The following TAS1R2 variants were observed in gnomAD, a reference collection of about 807,000 sequenced individuals.
TAS1R2 encodes the protein taste receptor type 1 member 2.
In TAS1R2, 47 loss-of-function variants were observed where a neutral mutation model predicts 49.3. The ratio of observed to expected loss-of-function variants is 0.95; its 90% CI spans 0.75 to 1.22. The LOEUF (loss-of-function observed/expected upper bound fraction) is 1.22, where lower values mean the gene tolerates loss of function less well. Among genes scored for constraint, TAS1R2 ranks in the 50% most tolerant of loss-of-function variants. The pLI is 0.00. For synonymous variants in TAS1R2, 479 were observed against 467.9 expected (o/e 1.02, Z -0.31); for missense variants, 1,155 against 1,122.1 (o/e 1.03, Z -0.42).
At position 18,844,310 on chromosome 1, in the gene TAS1R2, G is replaced by A. The variant is rs559879534; in HGVS notation, c.1468-2458C>T. Reference sequence around the variant, plus strand: ...CTGGTTGTTCAGGGGCCTGGAAGGAGCAAGAGTGGAAGAATGGAGACAAAG... The same window carrying A: ...CTGGTTGTTCAGGGGCCTGGAAGGAACAAGAGTGGAAGAATGGAGACAAAG... On this transcript the variant is annotated intron_variant, in intron 4 of 5. Coordinates refer to ENST00000375371, the Ensembl canonical transcript of TAS1R2. Among the ~76,000 whole-genome samples, 13 of 152,340 alleles carry A rather than the reference G, an allele frequency of 8.5e-5. No individual in the cohort carries two copies. The South Asian group carries it at 2.7e-3, about 32-fold the overall frequency.
Position 18,841,444 on chromosome 1 carries a change from G to A in TAS1R2, c.1591+285C>T, listed in dbSNP as rs1322030539. 2.6e-5 allele frequency among the ~76,000 whole-genome samples: 4 copies of A among 152,206 alleles called. No homozygotes were observed. The South Asian group carries it at 6.2e-4, about 24-fold the overall frequency. ...TCCCCAGCCTGACTCCCTGGGCCCT[G>A]GGCTATGTGTGTGTGGAGTGGGATC... On this transcript the variant is annotated intron_variant, in intron 5 of 5. Coordinates refer to ENST00000375371, the Ensembl canonical transcript of TAS1R2.
intron 2 of TAS1R2, among the ~76,000 whole-genome samples, chr1:18,856,219 C>T (rs187726608): frequency 1.5e-4 from 23 of 152,266 alleles, no homozygotes; most frequent in Admixed American, 1.3e-3. Context: ...CATCTAGTTC[C>T]GCAAACATAC....
At chr1:18,841,838 C>T in exon 5 of TAS1R2, 9 of 1,611,054 alleles carry the variant, frequency 5.6e-6, no homozygotes, top group South Asian at 1.1e-5. Context: ...TCTTGGAACA[C>T]ATGGACATAG....
intron 5 of TAS1R2, among the ~76,000 whole-genome samples, chr1:18,840,934 C>A (rs1933813145): frequency 6.6e-6 from 1 of 152,172 alleles, no homozygotes; most frequent in South Asian, 2.1e-4. Context: ...GTGACAGGGA[C>A]CTGGGGTGGA....
chr1:18,846,017 C>T (rs1199926377), intron 4 of TAS1R2, among the ~76,000 whole-genome samples: 1 of 152,212 alleles, frequency 6.6e-6, no homozygotes. Flanking sequence ...TCTGTGACTC[C>T]TCAGGCTCAA....
chr1:18,844,761 AG>A (rs1183771185), intron 4 of TAS1R2, among the ~76,000 whole-genome samples: 2 of 28,070 alleles, frequency 7.1e-5, no homozygotes, highest in Non-Finnish European at 4.2e-4. Flanking sequence ...CAGAAAAAAA[AG>A]AAGAAGAAGA....
intron 3 of TAS1R2, among the ~76,000 whole-genome samples, chr1:18,853,224 G>C (rs1934064888): frequency 6.6e-6 from 1 of 152,188 alleles, no homozygotes. Context: ...TCATGAGTTA[G>C]ATGTGATGTA....
Position 18,840,502 on chromosome 1 carries a change from C to T in TAS1R2, c.1617G>A (p.Pro539=), listed in dbSNP as rs753874098. Residue 539 remains proline (P), a synonymous_variant, in exon 6 of 6, where the codon CCG becomes CCA. Transcript: ENST00000375371. ...CACTCTGGTAGGACCACTCGTTATT[C>T]GGGCAGGCCTGGCATTCATATTCAT... is the stretch of plus-strand genomic sequence containing the variant. 3.9e-5 allele frequency: 63 copies of T among 1,614,054 alleles called. No individual in the cohort carries two copies. In the Middle Eastern group the frequency reaches 8.2e-4, roughly 21 times the overall value.
chr1:18,839,960 C>T (rs542808233), exon 6 of TAS1R2: 1 of 1,614,152 alleles, frequency 6.2e-7, no homozygotes, highest in South Asian at 1.1e-5. Context: ...GTTGGGGTTA[C>T]AGGAGACAAT....
At chr1:18,841,943 G>A in intron 4 of TAS1R2, 91 bp from the exon 5 acceptor site, 1 of 1,390,486 alleles carries the variant, frequency 7.2e-7, no homozygotes. Context: ...GTTCAGGGGA[G>A]GAAGCCTAGA....
At chr1:18,858,923 C>T (rs2100530216) in intron 1 of TAS1R2, among the ~76,000 whole-genome samples, 1 of 152,260 alleles carries the variant, frequency 6.6e-6, no homozygotes, top group Non-Finnish European at 1.5e-5. Flanking sequence ...TTTTTTAGTC[C>T]CAGGCTGGCT....
Position 18,854,377 on chromosome 1 carries a change from T to C in TAS1R2, c.1093A>G (p.Asn365Asp). The C allele has an allele frequency of 6.2e-7, 1 of 1,613,946 alleles. No homozygotes were observed. The highest frequency in any genetic ancestry group is 8.5e-7 in the Non-Finnish European group (1 of 1,179,942). The change falls in exon 3 of 6, where the codon AAC becomes GAC. Residue 365 changes from asparagine to aspartate, a missense_variant. By Grantham distance (23) the Asn-to-Asp change is conservative (BLOSUM62 1). Transcript: ENST00000375371. This position sits in a 1 kb window ranked among gnomAD's most constrained non-coding sequence, Gnocchi z 4.9. Reference sequence around the variant, plus strand: ...AAGGACAAGGTGGCGTTCAGGCAGTTGTCGCACTCCTGGTTGCAGGTATAG... The same window carrying C: ...AAGGACAAGGTGGCGTTCAGGCAGTCGTCGCACTCCTGGTTGCAGGTATAG...
At chr1:18,853,192 G>A (rs975005281) in intron 3 of TAS1R2, among the ~76,000 whole-genome samples, 1 of 152,174 alleles carries the variant, frequency 6.6e-6, no homozygotes, top group African/African-American at 2.4e-5. Flanking sequence ...TTTTCTACCT[G>A]TAGATTATCC....
At chr1:18,844,188 G>A (rs1933876156) in intron 4 of TAS1R2, among the ~76,000 whole-genome samples, 1 of 152,188 alleles carries the variant, frequency 6.6e-6, no homozygotes, top group South Asian at 2.1e-4. Context: ...TGTATGTGGA[G>A]ATGCAAGCAG....
intron 4 of TAS1R2, among the ~76,000 whole-genome samples, chr1:18,846,076 C>T (rs1933915897): frequency 6.6e-6 from 1 of 152,208 alleles, no homozygotes; most frequent in Non-Finnish European, 1.5e-5. Context: ...TGGCCTGCCT[C>T]ATATTTTCTC....
intron 3 of TAS1R2, among the ~76,000 whole-genome samples, chr1:18,853,541 C>T (rs1934069496): frequency 6.6e-6 from 1 of 151,988 alleles, no homozygotes; most frequent in Non-Finnish European, 1.5e-5. Flanking sequence ...AGGGATCTAG[C>T]AAGGGGGCGA....
exon 4 of TAS1R2, chr1:18,849,446 T>G: frequency 6.2e-7 from 1 of 1,614,240 alleles, no homozygotes; most frequent in Non-Finnish European, 8.5e-7. Context: ...TCCGGTCCCA[T>G]TGCCACTGGA....
rs567646605 is a variant in TAS1R2, at chr1:18,854,333, G to A, written c.1137C>T (p.Leu379=). ...CGCTGTAGACGACACGCTCCCCAGA[G>A]AGCCTGAGAATGGTGTTGAAGGACA... is the stretch of plus-strand genomic sequence containing the variant. Residue 379 remains leucine (L), a synonymous_variant, in exon 3 of 6, where the codon CTC becomes CTT. Coordinates refer to ENST00000375371, the Ensembl canonical transcript of TAS1R2. This position sits in a 1 kb window ranked among gnomAD's most constrained non-coding sequence, Gnocchi z 4.9. 2.0e-5 allele frequency: 33 copies of A among 1,614,030 alleles called. No homozygotes were observed. The South Asian group carries it at 2.9e-4, about 14-fold the overall frequency.
At chr1:18,845,394 C>T (rs1476523956) in intron 4 of TAS1R2, among the ~76,000 whole-genome samples, 1 of 152,188 alleles carries the variant, frequency 6.6e-6, no homozygotes, top group Non-Finnish European at 1.5e-5. Context: ...GTGTTGTGGC[C>T]TCAACAGCTA....
Sources: gnomAD v4.1 joint callset for allele counts (sites outside exome capture counted in the v4.1 genomes callset) on GRCh38, gnomAD v4.1.1 for gene constraint, Gnocchi (gnomAD v3.1) non-coding constraint, MANE v1.5 for transcripts, NCBI Gene and HGNC (gene_info 2026-07-23, HGNC 2026-07-21) for gene names.